The following PTPRA variants were observed in gnomAD, a reference collection of about 807,000 sequenced individuals.
PTPRA encodes receptor-type tyrosine-protein phosphatase alpha.
Under a neutral mutation model 104.8 loss-of-function variants are expected in PTPRA, and 25 were observed. That is an observed-to-expected ratio of 0.24 (90% CI 0.17 to 0.33). The LOEUF (loss-of-function observed/expected upper bound fraction) is 0.33, where lower values mean the gene tolerates loss of function less well. Ranked by LOEUF, PTPRA falls within the 10% of genes least tolerant of loss-of-function variation. The pLI is 1.00. For synonymous variants in PTPRA, 323 were observed against 368.9 expected (o/e 0.88, Z 1.43); for missense variants, 765 against 1,015.3 (o/e 0.75, Z 3.35).
Position 2,950,208 on chromosome 20 carries a change from C to A in PTPRA, c.-7+2184C>A, listed in dbSNP as rs1294667479. ...TCTTTAATTGTAAGAATATTCAGGT[C>A]TTTTGTTCTTCCTGGGCTAGTTTTT... On this transcript the variant is annotated intron_variant, in intron 3 of 23. Transcript: ENST00000399903. The surrounding 1 kb of genome is among the most constrained non-coding windows in gnomAD (Gnocchi z 4.0). Among the ~76,000 whole-genome samples, 1 of 152,014 alleles carries A rather than the reference C, an allele frequency of 6.6e-6. No homozygotes were observed. Among genetic ancestry groups the A allele is most frequent in the Non-Finnish European group, 1.5e-5 (1 of 68,018 alleles).
intron 2 of PTPRA, among the ~76,000 whole-genome samples, chr20:2,947,135 A>G (rs941979844): frequency 3.3e-5 from 5 of 152,176 alleles, no homozygotes; most frequent in Non-Finnish European, 7.3e-5. Flanking sequence ...ATTACCTTGC[A>G]AATCAGGTTT....
chr20:2,974,213 C>G (rs887226882), intron 5 of PTPRA, among the ~76,000 whole-genome samples: 14 of 152,032 alleles, frequency 9.2e-5, no homozygotes, highest in African/African-American at 2.7e-4. Flanking sequence ...TTCGGCCTCC[C>G]AAAGTGTTAG....
intron 5 of PTPRA, among the ~76,000 whole-genome samples, chr20:2,969,691 G>T (rs139900637): frequency 5.9e-4 from 27 of 45,938 alleles, no homozygotes; most frequent in Admixed American, 1.0e-3. Context: ...AATAGGCCGG[G>T]CGCGGCGGCT....
chr20:3,021,523 C>T, intron 14 of PTPRA, 95 bp downstream of exon 14: 2 of 1,506,326 alleles, frequency 1.3e-6, no homozygotes, highest in Non-Finnish European at 1.8e-6. Context: ...TCAGGAGTTG[C>T]TGAGTATGCA....
At chr20:2,864,634 G>C in the PTPRA span, 2 of 1,614,128 alleles carry the variant, frequency 1.2e-6, no homozygotes, top group Non-Finnish European at 1.7e-6. This position sits in a 1 kb window ranked among gnomAD's most constrained non-coding sequence, Gnocchi z 5.2. Flanking sequence ...CCACATCCGA[G>C]CCAGCTATGC....
intron 1 of PTPRA, among the ~76,000 whole-genome samples, chr20:2,920,354 G>A (rs1208112383): frequency 6.6e-6 from 1 of 152,158 alleles, no homozygotes; most frequent in Non-Finnish European, 1.5e-5. Flanking sequence ...AGCCCTGTCT[G>A]CACATTGGAA....
chr20:2,925,961 A>G (rs1244642464), intron 2 of PTPRA, among the ~76,000 whole-genome samples: 1 of 152,058 alleles, frequency 6.6e-6, no homozygotes, highest in East Asian at 1.9e-4. Flanking sequence ...TTGAGGAATC[A>G]CCATGCTGTT....
At chr20:2,867,460 C>G in the PTPRA span, among the ~76,000 whole-genome samples, 1 of 152,040 alleles carries the variant, frequency 6.6e-6, no homozygotes, top group Admixed American at 6.6e-5. Flanking sequence ...GCCCTCTGCT[C>G]TCTCTATCTA....
At chr20:2,998,888 C>T (rs528601734) in intron 9 of PTPRA, among the ~76,000 whole-genome samples, 36 of 149,946 alleles carry the variant, frequency 2.4e-4, no homozygotes, top group African/African-American at 8.5e-4. Flanking sequence ...ATTAATATGA[C>T]ATATTATATT....
chr20:2,939,311 C>T (rs1368576007), intron 2 of PTPRA, among the ~76,000 whole-genome samples: 1 of 152,130 alleles, frequency 6.6e-6, no homozygotes, highest in Non-Finnish European at 1.5e-5. Context: ...TGTAGTTTTG[C>T]TGGGATTAGG....
At chr20:2,949,078 T>A (rs1446296341) in intron 3 of PTPRA, among the ~76,000 whole-genome samples, 1 of 152,218 alleles carries the variant, frequency 6.6e-6, no homozygotes. Context: ...CTCTCACTTT[T>A]CTACAACTTC....
chr20:2,948,059 CAAG>C (rs2147757963), intron 3 of PTPRA, 35 bp downstream of exon 3: 1 of 978,118 alleles, frequency 1.0e-6, no homozygotes, highest in South Asian at 1.4e-5. Flanking sequence ...GTTTTTTCTA[CAAG>C]AATAGAGGAA....
intron 1 of PTPRA, among the ~76,000 whole-genome samples, chr20:2,921,783 C>A (rs150864569): frequency 2.5e-3 from 381 of 152,276 alleles, no homozygotes; most frequent in Non-Finnish European, 4.5e-3. Flanking sequence ...CTGCAGTGCA[C>A]ACCTGACGAA....
chr20:2,971,348 T>C (rs1006568667), intron 5 of PTPRA, among the ~76,000 whole-genome samples: 5 of 152,166 alleles, frequency 3.3e-5, no homozygotes, highest in African/African-American at 1.2e-4. Flanking sequence ...TAATTATAAA[T>C]GGAGCATTTT....
chr20:2,964,653 C>T (rs2061880365), intron 4 of PTPRA, among the ~76,000 whole-genome samples: 1 of 152,164 alleles, frequency 6.6e-6, no homozygotes, highest in African/African-American at 2.4e-5. Context: ...AATCTTGTGT[C>T]TTTCTCCCTT....
chr20:2,894,757 C>T (rs1437031646), intron 1 of PTPRA, among the ~76,000 whole-genome samples: 8 of 151,962 alleles, frequency 5.3e-5, no homozygotes, highest in African/African-American at 1.7e-4. Flanking sequence ...GAGGCTGAGG[C>T]GGGTGGATCA....
chr20:3,013,892 T>C (rs2064305047), intron 11 of PTPRA, among the ~76,000 whole-genome samples: 1 of 152,180 alleles, frequency 6.6e-6, no homozygotes, highest in East Asian at 1.9e-4. Flanking sequence ...CATTACTCTG[T>C]ATTAGTTAAG....
chr20:3,029,563 C>CG (rs1296288518), intron 20 of PTPRA, among the ~76,000 whole-genome samples: 2 of 21,218 alleles, frequency 9.4e-5, no homozygotes, highest in East Asian at 0.018. Flanking sequence ...TTTTTTGAGA[C>CG]GGAGTCTCTG....
the PTPRA span, among the ~76,000 whole-genome samples, chr20:2,867,665 CTGAGGGCAT>C: frequency 6.6e-6 from 1 of 152,202 alleles, no homozygotes; most frequent in Non-Finnish European, 1.5e-5. Flanking sequence ...CCACCCAACA[CTGAGGGCAT>C]TGCCTTTTCC....
Sources: allele counts gnomAD v4.1 joint callset (sites outside exome capture counted in the v4.1 genomes callset), GRCh38; gene constraint gnomAD v4.1.1; non-coding constraint Gnocchi (gnomAD v3.1); transcripts MANE v1.5; gene names NCBI Gene and HGNC (gene_info 2026-07-23, HGNC 2026-07-21).